The following SH3RF1 variants were observed in gnomAD, a reference collection of about 807,000 sequenced individuals.
SH3RF1 encodes the protein SH3 domain containing ring finger 1, also known as E3 ubiquitin-protein ligase SH3RF1.
SH3RF1 carries 32 observed loss-of-function variants against 74.0 expected under a neutral mutation model. That is an observed-to-expected ratio of 0.43 (90% CI 0.33 to 0.58). SH3RF1 has a LOEUF of 0.58. Among genes scored for constraint, SH3RF1 ranks in the 20% least tolerant of loss-of-function variants. The probability of loss-of-function intolerance (pLI) is 0.05; values close to 1 mark genes in which losing one functional copy is unlikely to be tolerated. For missense variants in SH3RF1, 954 were observed against 1,130.9 expected (o/e 0.84, Z 2.24); for synonymous variants, 396 against 439.6 (o/e 0.90, Z 1.24).
At chr4:169,237,135 T>C (rs1489317073) in intron 2 of SH3RF1, among the ~76,000 whole-genome samples, 1 of 152,188 alleles carries the variant, frequency 6.6e-6, no homozygotes, top group Non-Finnish European at 1.5e-5. Flanking sequence ...TGCACAGCAA[T>C]GTCTCCTAAT....
At chr4:169,265,838 TTAA>T (rs1362130316) in intron 2 of SH3RF1, among the ~76,000 whole-genome samples, 2 of 152,266 alleles carry the variant, frequency 1.3e-5, no homozygotes, top group Non-Finnish European at 1.5e-5. Context: ...ATATCATTAC[TTAA>T]TGATTCCTTA....
At chr4:169,179,496 C>A (rs1356777889) in intron 2 of SH3RF1, among the ~76,000 whole-genome samples, 1 of 152,146 alleles carries the variant, frequency 6.6e-6, no homozygotes, top group Admixed American at 6.5e-5. Context: ...AACCAATATC[C>A]AAAATTCTCA....
intron 2 of SH3RF1, among the ~76,000 whole-genome samples, chr4:169,254,721 A>G (rs1247867737): frequency 6.6e-6 from 1 of 152,238 alleles, no homozygotes; most frequent in Non-Finnish European, 1.5e-5. Flanking sequence ...GGAGGGTCCC[A>G]TGACAGCCCT....
intron 2 of SH3RF1, among the ~76,000 whole-genome samples, chr4:169,189,844 T>C (rs949640322): frequency 4.6e-5 from 7 of 152,122 alleles, no homozygotes; most frequent in African/African-American, 7.2e-5. Flanking sequence ...CAATAAATGT[T>C]ACCTCCTTTT....
At chr4:169,256,799 G>A (rs931007690) in intron 2 of SH3RF1, among the ~76,000 whole-genome samples, 6 of 152,124 alleles carry the variant, frequency 3.9e-5, no homozygotes, top group African/African-American at 7.2e-5. Context: ...ATGGGGATCC[G>A]ACTATGTTGC....
intron 4 of SH3RF1, among the ~76,000 whole-genome samples, chr4:169,141,623 T>A (rs1733787315): frequency 6.6e-6 from 1 of 151,662 alleles, no homozygotes; most frequent in South Asian, 2.1e-4. Context: ...ATTTTTCTTA[T>A]AGACTGATAT....
At chr4:169,186,489 G>A (rs1375024812) in intron 2 of SH3RF1, among the ~76,000 whole-genome samples, 1 of 151,684 alleles carries the variant, frequency 6.6e-6, no homozygotes, top group African/African-American at 2.4e-5. Context: ...AAAACATCCT[G>A]TTCCTTCAGG....
rs374478370 is a variant in SH3RF1, at chr4:169,117,696, G to A, written c.1604C>T (p.Thr535Met). 88 of 1,614,174 alleles carry A rather than the reference G, an allele frequency of 5.5e-5. No homozygotes were observed. The highest frequency in any genetic ancestry group is 1.6e-4 in the Middle Eastern group (1 of 6,062). Residue 535 changes from threonine (T) to methionine (M), a missense_variant, in exon 9 of 12, where the codon ACG becomes ATG. Thr to Met is a moderately conservative substitution (Grantham distance 81, BLOSUM62 -1). Transcript: ENST00000284637. The part of the protein sequence containing the change: ...SRGVTMVSPS[T>M]AGGPAQKLQG... ...GAGCTTCTGGGCAGGCCCTCCTGCC[G>A]TGGAAGGACTGACCATGGTCACTCC...
intron 2 of SH3RF1, among the ~76,000 whole-genome samples, chr4:169,191,393 G>A (rs1162871929): frequency 6.7e-6 from 1 of 149,852 alleles, no homozygotes; most frequent in African/African-American, 2.4e-5. Context: ...AGAAATCATA[G>A]ATGACACAAA....
At chr4:169,229,159 C>T (rs563634345) in intron 2 of SH3RF1, among the ~76,000 whole-genome samples, 3 of 152,054 alleles carry the variant, frequency 2.0e-5, no homozygotes, top group East Asian at 1.9e-4. Context: ...TCTTGTTCTG[C>T]GGCCCAGGCT....
chr4:169,193,420 C>T (rs1734761335), intron 2 of SH3RF1, among the ~76,000 whole-genome samples: 1 of 152,116 alleles, frequency 6.6e-6, no homozygotes, highest in African/African-American at 2.4e-5. Context: ...CACAAGGACT[C>T]CACCCCCAGA....
At chr4:169,206,509 T>TA (rs2126993372) in intron 2 of SH3RF1, among the ~76,000 whole-genome samples, 1 of 152,264 alleles carries the variant, frequency 6.6e-6, no homozygotes, top group South Asian at 2.1e-4. Flanking sequence ...TCCGTCTCCA[T>TA]AAAAAATTTT....
At chr4:169,183,764 CAA>C (rs1484165759) in intron 2 of SH3RF1, among the ~76,000 whole-genome samples, 12 of 121,634 alleles carry the variant, frequency 9.9e-5, no homozygotes, top group Non-Finnish European at 1.5e-4. Context: ...AAAAAAAAAA[CAA>C]AACAAAACAG....
chr4:169,131,096 AG>A (rs1254163187), intron 5 of SH3RF1, among the ~76,000 whole-genome samples: 1 of 152,230 alleles, frequency 6.6e-6, no homozygotes, highest in African/African-American at 2.4e-5. Context: ...AAAGATTGTC[AG>A]GACAAAGAAA....
At chr4:169,176,786 C>A (rs570871672) in intron 2 of SH3RF1, among the ~76,000 whole-genome samples, 18 of 152,204 alleles carry the variant, frequency 1.2e-4, no homozygotes, top group Admixed American at 3.3e-4. Flanking sequence ...GGCAATCCAC[C>A]CGCCTCAGCC....
intron 2 of SH3RF1, among the ~76,000 whole-genome samples, chr4:169,229,925 G>T: frequency 6.7e-6 from 1 of 148,292 alleles, no homozygotes; most frequent in African/African-American, 2.5e-5. Context: ...ACAATGCTTG[G>T]CCAGGCGAGG....
At chr4:169,190,509 T>C (rs184852109) in intron 2 of SH3RF1, among the ~76,000 whole-genome samples, 16 of 151,838 alleles carry the variant, frequency 1.1e-4, no homozygotes, top group African/African-American at 3.9e-4. Context: ...ACAACCCTCC[T>C]AGCTTAATCA....
intron 6 of SH3RF1, among the ~76,000 whole-genome samples, chr4:169,125,373 T>C (rs1733508090): frequency 1.3e-5 from 2 of 152,084 alleles, no homozygotes; most frequent in South Asian, 2.1e-4. Context: ...AGTTCAAGTA[T>C]ATGGGTGTGA....
At chr4:169,170,100 T>C (rs1579117732) in intron 2 of SH3RF1, among the ~76,000 whole-genome samples, 1 of 151,950 alleles carries the variant, frequency 6.6e-6, no homozygotes, top group East Asian at 1.9e-4. Context: ...AATTCAAATA[T>C]ACTGATCACC....
Sources: allele counts gnomAD v4.1 joint callset (sites outside exome capture counted in the v4.1 genomes callset), GRCh38; gene constraint gnomAD v4.1.1; transcripts MANE v1.5; gene names NCBI Gene and HGNC (gene_info 2026-07-23, HGNC 2026-07-21).